Variants in SEMA4C observed in about 807,000 individuals in gnomAD.
SEMA4C encodes the protein semaphorin 4C.
In SEMA4C, 19 loss-of-function variants were observed where a neutral mutation model predicts 89.0. The observed-to-expected ratio is 0.21, with a 90% CI of 0.15 to 0.31. The LOEUF (loss-of-function observed/expected upper bound fraction) is 0.31. Among genes scored for constraint, SEMA4C ranks in the 10% least tolerant of loss-of-function variants. The probability of loss-of-function intolerance (pLI) is 1.00; values close to 1 mark genes in which losing one functional copy is unlikely to be tolerated. For missense variants in SEMA4C, 811 were observed against 1,107.0 expected (o/e 0.73, Z 3.79); for synonymous variants, 428 against 472.7 (o/e 0.91, Z 1.23).
Position 96,864,522 on chromosome 2 carries a change from T to A in SEMA4C, c.963-140A>T, listed in dbSNP as rs1193479659. The A allele has an allele frequency of 4.8e-5, 68 of 1,409,708 alleles. No homozygotes were observed. Among genetic ancestry groups the A allele is most frequent in the Non-Finnish European group, 6.4e-5 (66 of 1,033,154 alleles). 87.3% of individuals were successfully genotyped at this position (1,409,708 alleles called of 1,614,324 possible). ...ATGCCCTGGCAGCTCAAGTGCCACC[T>A]GGCATGGGGCCCTGCCCCTTCACAG... is the stretch of plus-strand genomic sequence containing the variant. On this transcript the variant is annotated intron_variant, in intron 9 of 14. Coordinates refer to ENST00000305476, the MANE Select transcript of SEMA4C (RefSeq NM_017789.5). This position sits in a 1 kb window ranked among gnomAD's most constrained non-coding sequence, Gnocchi z 6.3.
intron 1 of SEMA4C, among the ~76,000 whole-genome samples, chr2:96,868,144 G>C (rs1291143604): frequency 6.6e-6 from 1 of 152,222 alleles, no homozygotes; most frequent in Non-Finnish European, 1.5e-5. Context: ...TTGGCTGAAG[G>C]CTAAACAGGC....
At chr2:96,863,599 G>A in intron 12 of SEMA4C, 83 bp downstream of exon 12, 1 of 1,409,962 alleles carries the variant, frequency 7.1e-7, no homozygotes, top group Non-Finnish European at 1.0e-6. Context: ...AAGCACATAG[G>A]CCCAACTGGG....
intron 1 of SEMA4C, chr2:96,869,250 C>G: frequency 1.0e-6 from 1 of 985,316 alleles, no homozygotes; most frequent in Non-Finnish European, 1.2e-6. Context: ...TGCTCCCACC[C>G]GCAGCTCCCC....
chr2:96,865,639 A>G, intron 5 of SEMA4C, 27 bp downstream of exon 5: 1 of 1,576,194 alleles, frequency 6.3e-7, no homozygotes, highest in Non-Finnish European at 8.7e-7. Context: ...GGGGCTGGGG[A>G]CACCGAGGTA....
In SEMA4C at chr2:96,865,080, T is replaced by C; in HGVS notation, c.670A>G (p.Ser224Gly). 6.4e-7 allele frequency: 1 copy of C among 1,562,656 alleles called. No individual in the cohort carries two copies. The highest frequency in any genetic ancestry group is 8.7e-7 in the Non-Finnish European group (1 of 1,153,294). ...TCGTCCCCCGTGAAGCTGCCCACAC[T>C]CTCAGGTACATAGGCAGAGCCTACA... ...HFVGSAYVPE[S>G]VGSFTGDDDK... The change falls in exon 8 of 15, where the codon AGT becomes GGT. Residue 224 changes from serine (S) to glycine (G), a missense_variant. By Grantham distance (56) the Ser-to-Gly change is moderately conservative. Transcript: ENST00000305476.
At position 96,864,873 on chromosome 2, in the gene SEMA4C, A is replaced by G. The variant is rs1366361985; in HGVS notation, c.794T>C (p.Met265Thr). The G allele has an allele frequency of 4.3e-6, 7 of 1,612,866 alleles. No homozygotes were observed. The highest frequency in any genetic ancestry group is 5.1e-6 in the Non-Finnish European group (6 of 1,179,632). The stretch of plus-strand genomic sequence containing the variant: ...CCTCTGCAGGGTCCGTGCGCCCCCC[A>G]TATCGCCCTGGCAGACGGCAAGGGG... The part of the protein sequence containing the change: ...ARVARVCKGD[M>T]GGARTLQRKW... The change falls in exon 9 of 15, where the codon ATG becomes ACG. Residue 265 changes from methionine (M) to threonine (T), a missense_variant. By Grantham distance (81) the Met-to-Thr change is moderately conservative. Around this residue, in one of 4 missense-constraint regions of SEMA4C, gnomAD observed 441 missense variants for 664.9 expected, o/e 0.66. Coordinates refer to ENST00000305476, the MANE Select transcript of SEMA4C (RefSeq NM_017789.5). The surrounding 1 kb of genome is among the most constrained non-coding windows in gnomAD (Gnocchi z 6.3).
At position 96,861,164 on chromosome 2, in the gene SEMA4C, G is replaced by A; in HGVS notation, c.1964C>T (p.Ala655Val). The A allele has an allele frequency of 6.2e-7, 1 of 1,610,410 alleles. No homozygotes were observed. The highest frequency in any genetic ancestry group is 1.3e-5 in the African/African-American group (1 of 75,032). The change falls in exon 15 of 15, where the codon GCC (alanine) becomes GTC (valine). Residue 655 changes from alanine (A) to valine (V), a missense_variant. Coordinates refer to ENST00000305476, the MANE Select transcript of SEMA4C (RefSeq NM_017789.5). This position sits in a 1 kb window ranked among gnomAD's most constrained non-coding sequence, Gnocchi z 7.8. ...VVAGPSVTLE[A>V]RAPLENLGLV... ...CCCCAGGTTTTCCAGGGGGGCCCGG[G>A]CCTCCAAGGTCACCGACGGGCCTGC...
Position 96,864,929 on chromosome 2 carries a change from G to C in SEMA4C, c.786+35C>G. 6.2e-7 allele frequency: 1 copy of C among 1,608,132 alleles called. No individual in the cohort carries two copies. The highest frequency in any genetic ancestry group is 8.5e-7 in the Non-Finnish European group (1 of 1,177,650). On this transcript the variant is annotated intron_variant, in intron 8 of 14. Transcript: ENST00000305476. This position sits in a 1 kb window ranked among gnomAD's most constrained non-coding sequence, Gnocchi z 6.3. The stretch of plus-strand genomic sequence containing the variant: ...GCCGGTCAGCCCCGCTGGGCCAGCA[G>C]GGCTCCCAGGGCCCACCGCTGTGAG...
intron 12 of SEMA4C, chr2:96,863,158 T>G (rs2079990304): frequency 1.3e-6 from 1 of 782,248 alleles, no homozygotes; most frequent in African/African-American, 1.9e-5. Context: ...TGCAGTGAGC[T>G]GAGATCGCGT....
At chr2:96,865,587 G>A (rs1469690475) in intron 5 of SEMA4C, 50 bp from the exon 6 acceptor site, 23 of 1,595,658 alleles carry the variant, frequency 1.4e-5, no homozygotes, top group Non-Finnish European at 2.0e-5. Flanking sequence ...GCAGGGCTCT[G>A]TGGGCCACAT....
At chr2:96,870,667 C>A (rs1045073497), upstream of SEMA4C, 3 of 985,374 alleles carry the variant, frequency 3.0e-6, no homozygotes, top group Non-Finnish European at 3.6e-6. Context: ...AGGGCCTGCT[C>A]CTGCTTCTCA....
At chr2:96,863,624 GGA>G (rs775179571) in intron 12 of SEMA4C, 56 bp downstream of exon 12, 50 of 1,510,894 alleles carry the variant, frequency 3.3e-5, no homozygotes, top group Non-Finnish European at 4.2e-5. Flanking sequence ...GCAGCCAGAT[GGA>G]GAGAGTGAGA....
intron 1 of SEMA4C, chr2:96,869,222 G>A (rs1251638716): frequency 1.3e-5 from 13 of 985,292 alleles, no homozygotes; most frequent in Non-Finnish European, 1.6e-5. Context: ...CGTGCTCCGA[G>A]GATCCGCCCG....
At chr2:96,862,205 G>A in intron 12 of SEMA4C, 1 of 343,532 alleles carries the variant, frequency 2.9e-6, no homozygotes, top group African/African-American at 2.0e-5. Context: ...CACACATAGT[G>A]CAGGAAATAC....
rs2080037134 is a variant in SEMA4C at position 96,865,006 on chromosome 2, G to A, written c.744C>T (p.Cys248=). The change falls in exon 8 of 15, where the codon TGC becomes TGT. Residue 248 remains cysteine, a synonymous_variant. Transcript: ENST00000305476. ...CACGAGCCACCACCTGCTCGGCATA[G>A]CAGTCGGACTCCACTGCCCGCTCCC... is the stretch of plus-strand genomic sequence containing the variant. ...FFRERAVESD[C]YAEQVVARVA... 6.4e-7 allele frequency: 1 copy of A among 1,562,214 alleles called. No individual in the cohort carries two copies. The highest frequency in any genetic ancestry group is 8.7e-7 in the Non-Finnish European group (1 of 1,153,170).
At chr2:96,869,590 G>A (rs2080162413) in intron 1 of SEMA4C, 1 of 985,328 alleles carries the variant, frequency 1.0e-6, no homozygotes, top group South Asian at 4.7e-5. Flanking sequence ...AGCCTGGCGA[G>A]GATCCCGGCC....
In SEMA4C at chr2:96,861,328, G is replaced by C. The variant is rs779706065; in HGVS notation, c.1800C>G (p.Pro600=). 1 of 1,607,158 alleles carries C rather than the reference G, an allele frequency of 6.2e-7. No individual in the cohort carries two copies. Among genetic ancestry groups the C allele is most frequent in the Non-Finnish European group, 8.5e-7 (1 of 1,179,970 alleles). ...FGGRDLPAEQ[P]GSFLYDARLQ... is the part of the protein sequence containing the mutation. ...GCCGGGCATCGTAGAGGAAGGACCCGGGCTGTTCCGCAGGCAGGTCCCGGC... is the reference window on the plus strand; with the variant it reads ...GCCGGGCATCGTAGAGGAAGGACCCCGGCTGTTCCGCAGGCAGGTCCCGGC... Residue 600 remains proline (P), a synonymous_variant, in exon 15 of 15, where the codon CCC becomes CCG. Transcript: ENST00000305476. This position sits in a 1 kb window ranked among gnomAD's most constrained non-coding sequence, Gnocchi z 7.8.
chr2:96,862,090 G>C, intron 12 of SEMA4C, 196 bp from the exon 13 acceptor site: 1 of 612,176 alleles, frequency 1.6e-6, no homozygotes, highest in Non-Finnish European at 2.8e-6. Flanking sequence ...GAACTCAGAG[G>C]GCTTACACAG....
intron 1 of SEMA4C, among the ~76,000 whole-genome samples, chr2:96,868,127 A>C (rs1436263185): frequency 2.0e-5 from 3 of 152,160 alleles, no homozygotes; most frequent in Non-Finnish European, 2.9e-5. Flanking sequence ...AGCGGGGAGG[A>C]GTTGAGTTGG....
Sources: gnomAD v4.1 joint callset for allele counts (sites outside exome capture counted in the v4.1 genomes callset) on GRCh38, gnomAD v4.1.1 for gene constraint, gnomAD v4.1.1 regional missense constraint, Gnocchi (gnomAD v3.1) non-coding constraint, MANE v1.5 for transcripts, NCBI Gene and HGNC (gene_info 2026-07-23, HGNC 2026-07-21) for gene names.